Variants in MCMDC2 observed in about 807,000 individuals in gnomAD.
MCMDC2 encodes minichromosome maintenance domain-containing protein 2.
MCMDC2 carries 54 observed loss-of-function variants against 75.8 expected under a neutral mutation model. The observed-to-expected ratio is 0.71, with a 90% CI of 0.57 to 0.89. The LOEUF (loss-of-function observed/expected upper bound fraction) is 0.89. Ranked by LOEUF, MCMDC2 falls within the 40% of genes least tolerant of loss-of-function variation. The pLI is 0.00. For missense variants in MCMDC2, 656 were observed against 780.4 expected, an observed-to-expected ratio of 0.84 and a Z score of 1.90; for synonymous variants, 249 against 274.6, an observed-to-expected ratio of 0.91 and a Z score of 0.92.
At chr8:66,917,971 A>C (rs1448358155) in intron 14 of MCMDC2, among the ~76,000 whole-genome samples, 2 of 152,190 alleles carry the variant, frequency 1.3e-5, no homozygotes, top group Non-Finnish European at 2.9e-5. Context: ...CTTTTTGATG[A>C]ACCGCCATCC....
At chr8:66,884,251 C>T in intron 9 of MCMDC2, 2 of 518,650 alleles carry the variant, frequency 3.9e-6, no homozygotes, top group Non-Finnish European at 6.8e-6. Flanking sequence ...CTTCCTTTCC[C>T]CCTATTCCCT....
intron 1 of MCMDC2, among the ~76,000 whole-genome samples, chr8:66,873,774 C>T (rs942467969): frequency 2.6e-5 from 4 of 151,918 alleles, no homozygotes; most frequent in Non-Finnish European, 5.9e-5. Flanking sequence ...GTAGTCCCAG[C>T]TACTTGGGAG....
chr8:66,874,368 TA>T lies in MCMDC2; in HGVS notation c.140del (p.Asn47IlefsTer8). ...SYAVYRFKIL[I>X]NPSDVVELDA... The stretch of plus-strand genomic sequence containing the variant: ...GCTGTCTATCGATTCAAAATTTTAA[TA>T]AATCCCTCTGATGTTGTTGAATTAG... On this transcript the variant is annotated frameshift_variant, in exon 3 of 15. Coordinates refer to ENST00000422365, the MANE Select transcript of MCMDC2 (RefSeq NM_173518.5). LOFTEE classifies it high-confidence loss of function. 1 of 1,612,908 alleles carries T rather than the reference TA, an allele frequency of 6.2e-7. No homozygotes were observed. The highest frequency in any genetic ancestry group is 8.5e-7 in the Non-Finnish European group (1 of 1,179,694).
chr8:66,908,160 A>G (rs1047007557), intron 14 of MCMDC2, among the ~76,000 whole-genome samples: 5 of 152,128 alleles, frequency 3.3e-5, no homozygotes, highest in African/African-American at 1.2e-4. Context: ...TGTGTCCTAA[A>G]TGGTGTTGCC....
rs1811179273 is a variant in MCMDC2 at position 66,874,473 on chromosome 8, A to G, written c.225+17A>G. On this transcript the variant is annotated intron_variant, in intron 3 of 14. Coordinates refer to ENST00000422365, the MANE Select transcript of MCMDC2 (RefSeq NM_173518.5). ...TTTCAATCAGTAAGTCAAAAAAAGAAATAATTTTATGCCACATGGAATTTT... is the reference window on the plus strand; with the variant it reads ...TTTCAATCAGTAAGTCAAAAAAAGAGATAATTTTATGCCACATGGAATTTT... 6.2e-7 allele frequency: 1 copy of G among 1,611,502 alleles called. No homozygotes were observed. The highest frequency in any genetic ancestry group is 8.5e-7 in the Non-Finnish European group (1 of 1,179,460).
chr8:66,902,712 ATATATATATATAT>A (rs1174617214), intron 13 of MCMDC2, among the ~76,000 whole-genome samples: 4 of 67,754 alleles, frequency 5.9e-5, no homozygotes, highest in Admixed American at 5.5e-4. Flanking sequence ...AAAAAAAAAA[ATATATATATATAT>A]ATATATATAT....
intron 13 of MCMDC2, among the ~76,000 whole-genome samples, chr8:66,904,188 C>T (rs1015293205): frequency 2.0e-5 from 3 of 152,028 alleles, no homozygotes; most frequent in Non-Finnish European, 2.9e-5. Context: ...AAACTGCTGT[C>T]GTACTGCACT....
intron 12 of MCMDC2, 47 bp from the exon 13 acceptor site, chr8:66,901,159 G>T (rs1585894145): frequency 7.2e-7 from 1 of 1,393,514 alleles, no homozygotes; most frequent in South Asian, 1.2e-5. Context: ...CTGTTATATT[G>T]ATTCCATAAT....
chr8:66,889,878 C>A (rs1028166149), intron 9 of MCMDC2, among the ~76,000 whole-genome samples: 3 of 152,220 alleles, frequency 2.0e-5, no homozygotes, highest in Middle Eastern at 3.4e-3. Flanking sequence ...AAACAAAAAA[C>A]CCCATAATTG....
In MCMDC2 at chr8:66,885,879, G is replaced by A. The variant is rs1811814079; in HGVS notation, c.1073+1885G>A. On this transcript the variant is annotated intron_variant, in intron 9 of 14. Transcript: ENST00000422365. ...AATCATACAGTGCATCCTCTTTTGG[G>A]TCTAGTCTCTCTTACTCAACAAAAT... is the stretch of plus-strand genomic sequence containing the variant. 2.0e-5 allele frequency among the ~76,000 whole-genome samples: 3 copies of A among 152,144 alleles called. No homozygotes were observed. The South Asian group carries it at 6.2e-4, about 32-fold the overall frequency.
In MCMDC2 at chr8:66,878,631, A is replaced by G; in HGVS notation, c.539A>G (p.Asn180Ser). 1 of 1,571,312 alleles carries G rather than the reference A, an allele frequency of 6.4e-7. No homozygotes were observed. The highest frequency in any genetic ancestry group is 8.6e-7 in the Non-Finnish European group (1 of 1,165,936). ...GCTACAGAATCTGCAACGATAAGAA[A>G]TGACTTTTTGTGTAATCTATGTGCA... Reference protein sequence around the residue: ...PGATESATIRNDFLCNLCASS... With the variant: ...PGATESATIRSDFLCNLCASS... The change falls in exon 6 of 15, where the codon AAT (asparagine) becomes AGT (serine). Residue 180 changes from asparagine (N) to serine (S), a missense_variant. Asn to Ser is a conservative substitution (Grantham distance 46, BLOSUM62 1). Transcript: ENST00000422365.
At chr8:66,885,096 G>A (rs1299150582) in intron 9 of MCMDC2, among the ~76,000 whole-genome samples, 2 of 152,128 alleles carry the variant, frequency 1.3e-5, no homozygotes, top group Non-Finnish European at 2.9e-5. Context: ...CACTTTGGGA[G>A]GCTGAGGTGG....
intron 4 of MCMDC2, among the ~76,000 whole-genome samples, chr8:66,876,552 C>T (rs188178225): frequency 8.3e-4 from 126 of 152,038 alleles, no homozygotes; most frequent in Non-Finnish European, 1.4e-3. Flanking sequence ...TGACACAGGC[C>T]ATTTGTTAGA....
intron 8 of MCMDC2, 125 bp downstream of exon 8, chr8:66,881,099 A>G: frequency 2.8e-6 from 2 of 709,696 alleles, no homozygotes; most frequent in Non-Finnish European, 4.0e-6. Context: ...AGTTGTAAAC[A>G]GGACAGTCAA....
chr8:66,919,018 G>C lies in MCMDC2; in HGVS notation c.1895G>C (p.Cys632Ser). The C allele has an allele frequency of 6.5e-7, 1 of 1,531,840 alleles. No homozygotes were observed. Among genetic ancestry groups the C allele is most frequent in the African/African-American group, 1.4e-5 (1 of 72,402 alleles). The allele number at this position is 1,531,840 out of a possible 1,614,324, so 94.9% of individuals were successfully genotyped here. ...CTTCATTTAGGGGCCACTGTATTTT[G>C]TGTTGCTCCGAATGCAGTATTTCCA... ...LTLKYGATVF[C>S]VAPNAVFPFE... Residue 632 changes from cysteine (C) to serine (S), a missense_variant, in exon 15 of 15, where the codon TGT becomes TCT. By Grantham distance (112) the Cys-to-Ser change is moderately radical. Transcript: ENST00000422365.
chr8:66,905,042 G>A (rs1228806009), intron 13 of MCMDC2, among the ~76,000 whole-genome samples, 184 bp from the exon 14 acceptor site: 1 of 151,930 alleles, frequency 6.6e-6, no homozygotes, highest in African/African-American at 2.4e-5. Flanking sequence ...GGCTTGTTCT[G>A]GAACAGTCTA....
In MCMDC2 at chr8:66,921,912, A is replaced by C. The variant is rs945777335; in HGVS notation, c.*2743A>C. The stretch of plus-strand genomic sequence containing the variant: ...TTCAAAACAGGTCTGACTAGTGACT[A>C]TGAGAATGGAGCTATTTAGAGTTGA... On this transcript the variant is annotated 3_prime_UTR_variant, in exon 15 of 15. Transcript: ENST00000422365. 1 of 152,364 alleles carries C rather than the reference A, an allele frequency of 6.6e-6. No homozygotes were observed. Among genetic ancestry groups the C allele is most frequent in the African/African-American group, 2.4e-5 (1 of 41,460 alleles). The allele number at this position is 152,364 out of a possible 1,614,324, so 9.4% of individuals were successfully genotyped here.
At chr8:66,904,276 A>T (rs771448387) in intron 13 of MCMDC2, among the ~76,000 whole-genome samples, 3 of 152,174 alleles carry the variant, frequency 2.0e-5, no homozygotes, top group Admixed American at 6.5e-5. Flanking sequence ...GTCTCATAGC[A>T]TAGTAAAGGA....
At chr8:66,887,360 G>A (rs1272957642) in intron 9 of MCMDC2, among the ~76,000 whole-genome samples, 1 of 144,428 alleles carries the variant, frequency 6.9e-6, no homozygotes, top group Non-Finnish European at 1.5e-5. Flanking sequence ...CCAACATGGT[G>A]AAACCCCGTC....
Sources: allele counts gnomAD v4.1 joint callset (sites outside exome capture counted in the v4.1 genomes callset), GRCh38; gene constraint gnomAD v4.1.1; transcripts MANE v1.5; gene names NCBI Gene and HGNC (gene_info 2026-07-23, HGNC 2026-07-21).